The following DVL3 variants were observed in gnomAD, a reference collection of about 807,000 sequenced individuals.
The protein encoded by DVL3 is dishevelled segment polarity protein 3, also known as segment polarity protein dishevelled homolog DVL-3.
DVL3 carries 27 observed loss-of-function variants against 67.4 expected under a neutral mutation model. The ratio of observed to expected loss-of-function variants is 0.40; its 90% CI spans 0.30 to 0.55. DVL3 has a LOEUF of 0.55. DVL3 is among the 20% of genes least tolerant of loss of function. The pLI is 0.46. For synonymous variants in DVL3, 369 were observed against 396.8 expected (o/e 0.93, Z 0.83); for missense variants, 819 against 1,021.5 (o/e 0.80, Z 2.70).
chr3:184,169,365 C>A (rs770614073), intron 13 of DVL3, among the ~76,000 whole-genome samples: 1 of 152,204 alleles, frequency 6.6e-6, no homozygotes, highest in African/African-American at 2.4e-5. Context: ...TCCAGTCTTG[C>A]ACCAGCTGAG....
At chr3:184,157,684 T>C (rs1358333311) in intron 1 of DVL3, among the ~76,000 whole-genome samples, 3 of 152,284 alleles carry the variant, frequency 2.0e-5, no homozygotes, top group Non-Finnish European at 2.9e-5. Flanking sequence ...ATTTAATGAT[T>C]GAACTAAGCA....
intron 1 of DVL3, among the ~76,000 whole-genome samples, chr3:184,159,804 T>C (rs1187821884): frequency 6.6e-6 from 1 of 152,242 alleles, no homozygotes; most frequent in African/African-American, 2.4e-5. Flanking sequence ...ATAGTCTCTC[T>C]GAGAACAAGG....
In DVL3 at chr3:184,171,428, C is replaced by G. The variant is rs1577053736; in HGVS notation, c.*673C>G. 1 of 991,260 alleles carries G rather than the reference C, an allele frequency of 1.0e-6. No homozygotes were observed. The highest frequency in any genetic ancestry group is 1.2e-6 in the Non-Finnish European group (1 of 833,992). The allele number at this position is 991,260 out of a possible 1,614,324, so 61.4% of individuals were successfully genotyped here. A position where few individuals can be genotyped will look rare whatever the true frequency, so the allele number is the denominator to read the frequency against. On this transcript the variant is annotated 3_prime_UTR_variant, in exon 15 of 15. Coordinates refer to ENST00000313143, the MANE Select transcript of DVL3 (RefSeq NM_004423.4). ...CTTCCAGGGAGCATCTCTGCTCTAC[C>G]CCTGCCCCATGCCTGCCCTGCGTGC...
chr3:184,168,449 A>C (rs1428694024), intron 13 of DVL3, among the ~76,000 whole-genome samples: 1 of 152,230 alleles, frequency 6.6e-6, no homozygotes, highest in Non-Finnish European at 1.5e-5. Context: ...CTGGAGGCCT[A>C]GGTAGCCCCG....
chr3:184,157,066 ATG>A (rs1290863246), intron 1 of DVL3: 1 of 156,470 alleles, frequency 6.4e-6, no homozygotes, highest in East Asian at 1.9e-4. Context: ...CCCTGAAATC[ATG>A]TGTGTGAGAG....
At position 184,163,354 on chromosome 3, in the gene DVL3, G is replaced by A. The variant is rs1714450086; in HGVS notation, c.162-303G>A. ...CCCAGGAGAGTCATGTTGGGGATGG[G>A]TAGAGCACTTTAGAGATTTTAGGGA... On this transcript the variant is annotated intron_variant, in intron 1 of 14. Transcript: ENST00000313143. The surrounding 1 kb of genome is among the most constrained non-coding windows in gnomAD (Gnocchi z 4.5). 6.6e-6 allele frequency among the ~76,000 whole-genome samples: 1 copy of A among 152,190 alleles called. No individual in the cohort carries two copies. Among genetic ancestry groups the A allele is most frequent in the Non-Finnish European group, 1.5e-5 (1 of 68,032 alleles).
At position 184,165,382 on chromosome 3, in the gene DVL3, G is replaced by A. The variant is rs1468927809; in HGVS notation, c.694-40G>A. On this transcript the variant is annotated intron_variant, in intron 6 of 14. Coordinates refer to ENST00000313143, the MANE Select transcript of DVL3 (RefSeq NM_004423.4). This position sits in a 1 kb window ranked among gnomAD's most constrained non-coding sequence, Gnocchi z 4.1. ...AGGAGTCAGGTGGGAGTGAATTCCT[G>A]CCACCTCCACCTGCTGCTCAGGGCC... The A allele has an allele frequency of 1.2e-6, 2 of 1,605,422 alleles. No homozygotes were observed. The highest frequency in any genetic ancestry group is 8.5e-7 in the Non-Finnish European group (1 of 1,172,928).
chr3:184,167,464 A>G lies in DVL3; in HGVS notation c.1199-116A>G, dbSNP rs995172875. Reference sequence around the variant, plus strand: ...GGGGAAACTGAGTGTCCAAGAAATCAGTAATTTTCCCAGCATTGATCCCAT... The same window carrying G: ...GGGGAAACTGAGTGTCCAAGAAATCGGTAATTTTCCCAGCATTGATCCCAT... On this transcript the variant is annotated intron_variant, in intron 11 of 14. Coordinates refer to ENST00000313143, the MANE Select transcript of DVL3 (RefSeq NM_004423.4). The surrounding 1 kb of genome is among the most constrained non-coding windows in gnomAD (Gnocchi z 4.6). 40 of 994,998 alleles carry G rather than the reference A, an allele frequency of 4.0e-5. No individual in the cohort carries two copies. Among genetic ancestry groups the G allele is most frequent in the Non-Finnish European group, 5.4e-5 (37 of 680,330 alleles). 61.6% of individuals were successfully genotyped at this position (994,998 alleles called of 1,614,324 possible). A position where few individuals can be genotyped will look rare whatever the true frequency, so the allele number is the denominator to read the frequency against.
intron 1 of DVL3, among the ~76,000 whole-genome samples, chr3:184,158,727 A>G (rs1463095295): frequency 2.0e-5 from 3 of 151,902 alleles, no homozygotes; most frequent in Non-Finnish European, 4.4e-5. Flanking sequence ...CTGGTCTACA[A>G]AAGTATTTGT....
In DVL3 at chr3:184,170,301, C is replaced by A. The variant is rs1324883736; in HGVS notation, c.1715-18C>A. 1.9e-6 allele frequency: 3 copies of A among 1,593,866 alleles called. No homozygotes were observed. The highest frequency in any genetic ancestry group is 1.7e-6 in the Non-Finnish European group (2 of 1,169,870). ...CCCGCTCAGCCTGCCCCACCCCGGC[C>A]CTGTTTGCCTCCTACAGGCAGTCGG... On this transcript the variant is annotated intron_variant, in intron 14 of 14. Transcript: ENST00000313143. This position sits in a 1 kb window ranked among gnomAD's most constrained non-coding sequence, Gnocchi z 6.5.
rs781558459 is a variant in DVL3 at position 184,170,646 on chromosome 3, C to A, written c.2042C>A (p.Ala681Asp). The A allele has an allele frequency of 6.2e-7, 1 of 1,611,810 alleles. No individual in the cohort carries two copies. The highest frequency in any genetic ancestry group is 2.2e-5 in the East Asian group (1 of 44,744). ...CCCGCGGCCATGGGGCCCCCAGGAG[C>A]CCCTCCGGGCCGCGACCTGGCCTCA... ...PPPAAMGPPG[A>D]PPGRDLASVP... The change falls in exon 15 of 15, where the codon GCC (alanine) becomes GAC (aspartate). Residue 681 changes from alanine (A) to aspartate (D), a missense_variant. Transcript: ENST00000313143. This position sits in a 1 kb window ranked among gnomAD's most constrained non-coding sequence, Gnocchi z 6.5.
intron 1 of DVL3, among the ~76,000 whole-genome samples, chr3:184,158,779 CTTTTTTT>C (rs34189027): frequency 7.6e-6 from 1 of 131,556 alleles, no homozygotes. Flanking sequence ...AATTTTTTTT[CTTTTTTT>C]TTTTTTTTTG....
At chr3:184,161,456 A>G (rs1714380168) in intron 1 of DVL3, among the ~76,000 whole-genome samples, 1 of 150,032 alleles carries the variant, frequency 6.7e-6, no homozygotes, top group African/African-American at 2.4e-5. Flanking sequence ...ACAAGTGGGG[A>G]CTGAACTTCC....
At chr3:184,160,193 C>T (rs1392473002) in intron 1 of DVL3, among the ~76,000 whole-genome samples, 3 of 151,706 alleles carry the variant, frequency 2.0e-5, no homozygotes, top group Admixed American at 6.6e-5. Flanking sequence ...ACTCATGATC[C>T]GCTCACCTTG....
chr3:184,164,497 A>G lies in DVL3; in HGVS notation c.359A>G (p.His120Arg), dbSNP rs756080778. The G allele has an allele frequency of 3.8e-6, 6 of 1,596,580 alleles. No individual in the cohort carries two copies. The African/African-American group carries it at 8.1e-5, about 22-fold the overall frequency. Residue 120 changes from histidine (H) to arginine (R), a missense_variant, in exon 4 of 15, where the codon CAT becomes CGT. By Grantham distance (29) the His-to-Arg change is conservative (BLOSUM62 0). Coordinates refer to ENST00000313143, the MANE Select transcript of DVL3 (RefSeq NM_004423.4). This position sits in a 1 kb window ranked among gnomAD's most constrained non-coding sequence, Gnocchi z 5.3. Reference protein sequence around the residue: ...GDSRPPSFHPHAGGGSQENLD... With the variant: ...GDSRPPSFHPRAGGGSQENLD... ...ATCAAGTCTCTTCCCTGCAGCCCTC[A>G]TGCTGGTGGGGGCAGCCAGGAGAAC...
chr3:184,160,833 T>A (rs1714354709), intron 1 of DVL3, among the ~76,000 whole-genome samples: 1 of 152,180 alleles, frequency 6.6e-6, no homozygotes, highest in Admixed American at 6.5e-5. Context: ...CCCTTTTCCT[T>A]TGAGCCCTGT....
intron 13 of DVL3, 72 bp from the exon 14 acceptor site, chr3:184,169,934 A>T (rs1301444381): frequency 2.2e-6 from 3 of 1,377,574 alleles, no homozygotes. Context: ...TCTCTCATCC[A>T]GAGCCCACCT....
At position 184,170,748 on chromosome 3, in the gene DVL3, T is replaced by G. The variant is rs1259834956; in HGVS notation, c.2144T>G (p.Val715Gly). 1 of 1,613,296 alleles carries G rather than the reference T, an allele frequency of 6.2e-7. No individual in the cohort carries two copies. The highest frequency in any genetic ancestry group is 1.7e-5 in the Admixed American group (1 of 59,990). ...AACCCCAGTGAGTTCTTTGTGGATG[T>G]GATGTGAGCAGGGCCCCTCCCCCAG... The part of the protein sequence containing the change: ...MGNPSEFFVD[V>G]M The change falls in exon 15 of 15, where the codon GTG (valine) becomes GGG (glycine). Residue 715 changes from valine (V) to glycine (G), a missense_variant. Physicochemically the swap from Val to Gly is moderately radical, Grantham distance 109. This residue lies in a region of DVL3 where 324 missense variants were observed against 331.3 expected (regional missense o/e 0.98). Coordinates refer to ENST00000313143, the MANE Select transcript of DVL3 (RefSeq NM_004423.4). This position sits in a 1 kb window ranked among gnomAD's most constrained non-coding sequence, Gnocchi z 6.5.
At position 184,170,275 on chromosome 3, in the gene DVL3, G is replaced by A; in HGVS notation, c.1715-44G>A. On this transcript the variant is annotated intron_variant, in intron 14 of 14. Coordinates refer to ENST00000313143, the MANE Select transcript of DVL3 (RefSeq NM_004423.4). The surrounding 1 kb of genome is among the most constrained non-coding windows in gnomAD (Gnocchi z 6.5). ...TATAGGTGGGCCCCAGGCTTCCCCC[G>A]CCCGCTCAGCCTGCCCCACCCCGGC... The A allele has an allele frequency of 2.5e-6, 4 of 1,589,494 alleles. No homozygotes were observed. Among genetic ancestry groups the A allele is most frequent in the Non-Finnish European group, 3.4e-6 (4 of 1,165,682 alleles).
Sources: gnomAD v4.1 joint callset for allele counts (sites outside exome capture counted in the v4.1 genomes callset) on GRCh38, gnomAD v4.1.1 for gene constraint, gnomAD v4.1.1 regional missense constraint, Gnocchi (gnomAD v3.1) non-coding constraint, MANE v1.5 for transcripts, NCBI Gene and HGNC (gene_info 2026-07-23, HGNC 2026-07-21) for gene names.